ITGAD: variants seen among roughly 807,000 people sequenced by gnomAD.
The protein encoded by ITGAD is integrin alpha-D.
Under a neutral mutation model 139.0 loss-of-function variants are expected in ITGAD, and 105 were observed. That is an observed-to-expected ratio of 0.76 (90% confidence interval 0.65 to 0.89). The LOEUF (loss-of-function observed/expected upper bound fraction) is 0.89, where lower values mean the gene tolerates loss of function less well. Ranked by LOEUF, ITGAD falls within the 40% of genes least tolerant of loss-of-function variation. The pLI, the probability that ITGAD is intolerant of heterozygous loss-of-function variation, is 0.00. For missense variants in ITGAD, 1,384 were observed against 1,487.3 expected (o/e 0.93, Z 1.14); for synonymous variants, 569 against 598.3 (o/e 0.95, Z 0.71).
chr16:31,397,695 G>A, intron 4 of ITGAD, 29 bp downstream of exon 4: 2 of 1,506,052 alleles, frequency 1.3e-6, no homozygotes, highest in African/African-American at 1.4e-5. Flanking sequence ...CCACGGGGGG[G>A]TGGGGTGGGG....
In ITGAD at chr16:31,410,493, G is replaced by A. The variant is rs2081661193; in HGVS notation, c.1182G>A (p.Gln394=). 6.2e-7 allele frequency: 1 copy of A among 1,613,956 alleles called. No individual in the cohort carries two copies. Among genetic ancestry groups the A allele is most frequent in the East Asian group, 2.2e-5 (1 of 44,872 alleles). The part of the protein sequence containing the change: ...NMSPTFINMS[Q]ENVDMRDSYL... ...GCCCCACCTTCATCAACATGTCTCA[G>A]GAGAATGTGGACATGAGGGACTCTT... is the stretch of plus-strand genomic sequence containing the variant. The change falls in exon 11 of 30, where the codon CAG becomes CAA. Residue 394 remains glutamine, a synonymous_variant. Transcript: ENST00000389202.
chr16:31,402,522 T>G (rs554117111), intron 6 of ITGAD: 2 of 261,970 alleles, frequency 7.6e-6, no homozygotes, highest in Non-Finnish European at 1.5e-5. Context: ...GGAATTTGAC[T>G]GACATATTTT....
chr16:31,419,404 G>A (rs1015394908), intron 23 of ITGAD, among the ~76,000 whole-genome samples: 2 of 152,066 alleles, frequency 1.3e-5, no homozygotes, highest in African/African-American at 2.4e-5. Context: ...ACAGTAACAC[G>A]CTGCATGGGT....
In ITGAD at chr16:31,407,548, A is replaced by G. The variant is rs62001041; in HGVS notation, c.738A>G (p.Arg246=). ...TATTTCATCATAAGAATGGGGCCCG[A>G]AAAAGTGCCAAGAAGATCCTCATTG... ...TQLFHHKNGA[R]KSAKKILIVI... is the part of the protein sequence containing the mutation. Residue 246 remains arginine (R), a synonymous_variant, in exon 8 of 30, where the codon CGA becomes CGG. Coordinates refer to ENST00000389202, the MANE Select transcript of ITGAD (RefSeq NM_005353.3). The G allele has an allele frequency of 0.058, 92,778 of 1,604,748 alleles. 3,137 individuals carry two copies. Among genetic ancestry groups the G allele is most frequent in the South Asian group, 0.11 (10,212 of 90,262 alleles).
In ITGAD at chr16:31,403,699, C is replaced by A. The variant is rs1451516935; in HGVS notation, c.704+54C>A. On this transcript the variant is annotated intron_variant, in intron 7 of 29. Coordinates refer to ENST00000389202, the MANE Select transcript of ITGAD (RefSeq NM_005353.3). The surrounding 1 kb of genome is among the most constrained non-coding windows in gnomAD (Gnocchi z 4.4). ...TGTGACTGCCACCCCCACTTCCTAA[C>A]CCTGGGTCAGCACAGCTCTTCTCAG... 3 of 1,605,508 alleles carry A rather than the reference C, an allele frequency of 1.9e-6. No individual in the cohort carries two copies. The highest frequency in any genetic ancestry group is 2.7e-5 in the African/African-American group (2 of 74,852).
chr16:31,403,340 C>T lies in ITGAD; in HGVS notation c.559-160C>T. 1 of 785,660 alleles carries T rather than the reference C, an allele frequency of 1.3e-6. No individual in the cohort carries two copies. The highest frequency in any genetic ancestry group is 2.0e-6 in the Non-Finnish European group (1 of 490,894). 48.7% of individuals were successfully genotyped at this position (785,660 alleles called of 1,614,324 possible). ...AACAAAACAAAACAAAAAACAAAGC[C>T]AGGCATGTGACGTGTGCCTGTAGTT... On this transcript the variant is annotated intron_variant, in intron 6 of 29. Transcript: ENST00000389202. This position sits in a 1 kb window ranked among gnomAD's most constrained non-coding sequence, Gnocchi z 4.4.
chr16:31,414,065 A>C (rs1003700751), intron 16 of ITGAD, among the ~76,000 whole-genome samples: 1 of 152,054 alleles, frequency 6.6e-6, no homozygotes, highest in Non-Finnish European at 1.5e-5. Flanking sequence ...TCTGTCATCT[A>C]TCTATTATCT....
intron 5 of ITGAD, among the ~76,000 whole-genome samples, chr16:31,400,432 G>A (rs1231757747): frequency 6.6e-6 from 1 of 152,186 alleles, no homozygotes; most frequent in African/African-American, 2.4e-5. Flanking sequence ...ATCTCCCAGT[G>A]CCCTGCGGGC....
intron 5 of ITGAD, among the ~76,000 whole-genome samples, chr16:31,400,455 G>GGCT (rs1171893399): frequency 6.6e-6 from 1 of 152,160 alleles, no homozygotes; most frequent in Non-Finnish European, 1.5e-5. Flanking sequence ...CACAGGATGT[G>GGCT]GCTGCTGGTG....
At chr16:31,421,070 C>A (rs1459648036) in intron 23 of ITGAD, among the ~76,000 whole-genome samples, 1 of 152,164 alleles carries the variant, frequency 6.6e-6, no homozygotes, top group Non-Finnish European at 1.5e-5. Context: ...TTTTCTTACA[C>A]CATCTTAAGT....
chr16:31,393,424 G>A, intron 1 of ITGAD, 33 bp downstream of exon 1: 1 of 1,613,416 alleles, frequency 6.2e-7, no homozygotes, highest in Non-Finnish European at 8.5e-7. Flanking sequence ...GGAGAAGCTT[G>A]GAGGAGTTCT....
At chr16:31,411,247 G>A in intron 13 of ITGAD, 31 bp downstream of exon 13, 1 of 1,610,334 alleles carries the variant, frequency 6.2e-7, no homozygotes, top group Non-Finnish European at 8.5e-7. Context: ...AGGCTGGGTG[G>A]GGTCCGGTGT....
intron 2 of ITGAD, among the ~76,000 whole-genome samples, chr16:31,395,041 GCACCATGGCT>G (rs1382193069): frequency 6.6e-6 from 1 of 152,182 alleles, no homozygotes; most frequent in Non-Finnish European, 1.5e-5. Context: ...GCAGGGCTGG[GCACCATGGCT>G]CACGCCTATA....
In ITGAD at chr16:31,397,857, C is replaced by T; in HGVS notation, c.375C>T (p.Leu125=). The T allele has an allele frequency of 4.3e-6, 7 of 1,613,784 alleles. No individual in the cohort carries two copies. Among genetic ancestry groups the T allele is most frequent in the Non-Finnish European group, 5.9e-6 (7 of 1,180,006 alleles). The stretch of plus-strand genomic sequence containing the variant: ...ACTCATACTCAAAGGGTTCCTGCCT[C>T]CTGCTGGGCTCGCGCTGGGAGATCA... ...GENSYSKGSC[L]LLGSRWEIIQ... Residue 125 remains leucine (L), a synonymous_variant, in exon 5 of 30, where the codon CTC becomes CTT. Coordinates refer to ENST00000389202, the MANE Select transcript of ITGAD (RefSeq NM_005353.3).
At chr16:31,402,004 G>A (rs1283809748) in intron 5 of ITGAD, 111 bp from the exon 6 acceptor site, 11 of 1,275,314 alleles carry the variant, frequency 8.6e-6, no homozygotes, top group Admixed American at 8.1e-5. Flanking sequence ...AGGAGGGGTC[G>A]GAAACTAGGT....
chr16:31,414,837 C>A, intron 17 of ITGAD, 23 bp from the exon 18 acceptor site: 1 of 1,612,570 alleles, frequency 6.2e-7, no homozygotes, highest in South Asian at 1.1e-5. Context: ...ACAGCAGGTT[C>A]TTGAAAGCCT....
Position 31,403,383 on chromosome 16 carries a change from G to A in ITGAD, c.559-117G>A. The A allele has an allele frequency of 8.3e-7, 1 of 1,202,530 alleles. No homozygotes were observed. Among genetic ancestry groups the A allele is most frequent in the East Asian group, 2.4e-5 (1 of 42,494 alleles). 74.5% of individuals were successfully genotyped at this position (1,202,530 alleles called of 1,614,324 possible). On this transcript the variant is annotated intron_variant, in intron 6 of 29. Coordinates refer to ENST00000389202, the MANE Select transcript of ITGAD (RefSeq NM_005353.3). The surrounding 1 kb of genome is among the most constrained non-coding windows in gnomAD (Gnocchi z 4.4). ...CTGTAGTTCCAGCTACTTGGAGGCTGAGGCAGGAGGATCACTTGAGGCCAG... is the reference window on the plus strand; with the variant it reads ...CTGTAGTTCCAGCTACTTGGAGGCTAAGGCAGGAGGATCACTTGAGGCCAG...
chr16:31,397,897 G>C lies in ITGAD; in HGVS notation c.415G>C (p.Asp139His). 1 of 1,611,904 alleles carries C rather than the reference G, an allele frequency of 6.2e-7. No individual in the cohort carries two copies. The highest frequency in any genetic ancestry group is 8.5e-7 in the Non-Finnish European group (1 of 1,179,108). Residue 139 changes from aspartate (D) to histidine (H), a missense_variant, in exon 5 of 30, where the codon GAC becomes CAC. By Grantham distance (81) the Asp-to-His change is moderately conservative. Transcript: ENST00000389202. Reference sequence around the variant, plus strand: ...CTGGGAGATCATCCAGACAGTCCCCGACGCCACGCCAGGTAGGTCCCTGGC... The same window carrying C: ...CTGGGAGATCATCCAGACAGTCCCCCACGCCACGCCAGGTAGGTCCCTGGC... Reference protein sequence around the residue: ...SRWEIIQTVPDATPECPHQEM... With the variant: ...SRWEIIQTVPHATPECPHQEM...
intron 9 of ITGAD, 119 bp downstream of exon 9, chr16:31,408,035 G>T: frequency 1.8e-6 from 2 of 1,102,144 alleles, no homozygotes; most frequent in South Asian, 1.7e-5. Flanking sequence ...GTAGTGGCAC[G>T]ATCTCGGCTC....
Sources: allele counts gnomAD v4.1 joint callset (sites outside exome capture counted in the v4.1 genomes callset), GRCh38; gene constraint gnomAD v4.1.1; non-coding constraint Gnocchi (gnomAD v3.1); transcripts MANE v1.5; gene names NCBI Gene and HGNC (gene_info 2026-07-23, HGNC 2026-07-21).